The following TNPO3 variants were observed in gnomAD, a reference collection of about 807,000 sequenced individuals.
The protein encoded by TNPO3 is transportin 3, also known as transportin-3.
A neutral mutation model predicts 122.8 loss-of-function variants in TNPO3; 65 were observed. That is an observed-to-expected ratio of 0.53 (90% CI 0.43 to 0.65). The LOEUF (loss-of-function observed/expected upper bound fraction) is 0.65, where lower values mean the gene tolerates loss of function less well. Ranked by LOEUF, TNPO3 falls within the 30% of genes least tolerant of loss-of-function variation. TNPO3 has a pLI of 0.00. For synonymous variants in TNPO3, 372 were observed against 411.2 expected (o/e 0.90, Z 1.15); for missense variants, 850 against 1,136.7 (o/e 0.75, Z 3.63).
At chr7:128,982,139 A>G in intron 14 of TNPO3, 109 bp downstream of exon 14, 6 of 889,184 alleles carry the variant, frequency 6.7e-6, no homozygotes, top group Non-Finnish European at 8.6e-6. Flanking sequence ...GTCTCCAAAC[A>G]TAGGGAGATA....
At chr7:129,049,640 A>G (rs1363698618) in intron 1 of TNPO3, among the ~76,000 whole-genome samples, 1 of 152,234 alleles carries the variant, frequency 6.6e-6, no homozygotes, top group Admixed American at 6.5e-5. Flanking sequence ...CAAAAATCCA[A>G]TAAAAATCAG....
chr7:128,989,404 T>G lies in TNPO3; in HGVS notation c.1498+557A>C, dbSNP rs1449461068. On this transcript the variant is annotated intron_variant, in intron 11 of 22. Coordinates refer to ENST00000265388, the MANE Select transcript of TNPO3 (RefSeq NM_012470.4). ...CTCTTTGGGCCTCAGTTTCCTTGTCTATAAAAAGAGGAGGTTAGAATAAAT... is the reference window on the plus strand; with the variant it reads ...CTCTTTGGGCCTCAGTTTCCTTGTCGATAAAAAGAGGAGGTTAGAATAAAT... Among the ~76,000 whole-genome samples the G allele has an allele frequency of 3.3e-5, 5 of 152,204 alleles. No individual in the cohort carries two copies. In the East Asian group the frequency reaches 9.6e-4, roughly 29 times the overall value.
chr7:129,046,109 T>C (rs1808005262), intron 1 of TNPO3, among the ~76,000 whole-genome samples: 1 of 147,596 alleles, frequency 6.8e-6, no homozygotes, highest in Admixed American at 6.9e-5. Flanking sequence ...TGAGGCAGAA[T>C]TGCTTGAACC....
At chr7:129,054,145 T>C (rs548061076) in intron 1 of TNPO3, among the ~76,000 whole-genome samples, 3 of 152,306 alleles carry the variant, frequency 2.0e-5, no homozygotes, top group African/African-American at 7.2e-5. Context: ...AGTAAGAATC[T>C]AGAAACCTGA....
intron 1 of TNPO3, among the ~76,000 whole-genome samples, chr7:129,046,195 C>CAAAAAAAAAAAAAAAAAAAAAAAAA (rs5887409): frequency 1.3e-5 from 1 of 79,302 alleles, no homozygotes; most frequent in Non-Finnish European, 2.3e-5. Context: ...GACTCCGTCT[C>CAAAAAAAAAAAAAAAAAAAAAAAAA]AAAAAAAAAA....
Position 128,970,267 on chromosome 7 carries a change from T to G in TNPO3, c.2479A>C (p.Asn827His), listed in dbSNP as rs1442252381. The G allele has an allele frequency of 6.2e-7, 1 of 1,613,190 alleles. No individual in the cohort carries two copies. The highest frequency in any genetic ancestry group is 2.2e-5 in the East Asian group (1 of 44,820). ...LRKELIGQVM[N>H]QLGQQLVSQL... ...CTGACAAGCTGCTGTCCAAGCTGGTTCATCACCTGTCCAATCAGTTCTTTC... is the reference window on the plus strand; with the variant it reads ...CTGACAAGCTGCTGTCCAAGCTGGTGCATCACCTGTCCAATCAGTTCTTTC... Residue 827 changes from asparagine (N) to histidine (H), a missense_variant, in exon 20 of 23, where the codon AAC (asparagine) becomes CAC (histidine). Coordinates refer to ENST00000265388, the MANE Select transcript of TNPO3 (RefSeq NM_012470.4).
At chr7:128,983,339 T>G (rs559693011) in intron 13 of TNPO3, among the ~76,000 whole-genome samples, 1 of 152,226 alleles carries the variant, frequency 6.6e-6, no homozygotes, top group East Asian at 1.9e-4. Flanking sequence ...CCCGAGTAGC[T>G]GAGATTACAA....
intron 11 of TNPO3, among the ~76,000 whole-genome samples, chr7:128,987,124 A>G (rs190277782): frequency 2.0e-5 from 3 of 152,328 alleles, no homozygotes; most frequent in Admixed American, 6.5e-5. Context: ...CCTGAGACCC[A>G]TCTATTTCAT....
rs532737413 is a variant in TNPO3 at position 129,054,862 on chromosome 7, C to G, written c.-92G>C. 31 of 1,560,088 alleles carry G rather than the reference C, an allele frequency of 2.0e-5. No homozygotes were observed. The Admixed American group carries it at 2.6e-4, about 13-fold the overall frequency. On this transcript the variant is annotated 5_prime_UTR_variant, in exon 1 of 23. Coordinates refer to ENST00000265388, the MANE Select transcript of TNPO3 (RefSeq NM_012470.4). Reference sequence around the variant, plus strand: ...CCTTCGCGCTTCCTCACTGTCTGGGCCACGGCCGCTCCCTGACTGGCGCCA... The same window carrying G: ...CCTTCGCGCTTCCTCACTGTCTGGGGCACGGCCGCTCCCTGACTGGCGCCA...
chr7:128,993,185 A>C (rs1209682005), intron 9 of TNPO3, among the ~76,000 whole-genome samples: 1 of 149,932 alleles, frequency 6.7e-6, no homozygotes, highest in Non-Finnish European at 1.5e-5. Flanking sequence ...AAGCTTCCAA[A>C]GTGGTATTTC....
rs552411679 is a variant in TNPO3, at chr7:128,954,601, T to C, written c.*816A>G. On this transcript the variant is annotated 3_prime_UTR_variant, in exon 23 of 23. Coordinates refer to ENST00000265388, the MANE Select transcript of TNPO3 (RefSeq NM_012470.4). ...AAGGCAGACAACAAACTGATGTGGATTGGAAGTGGACTGAGAGAATGAACG... is the reference window on the plus strand; with the variant it reads ...AAGGCAGACAACAAACTGATGTGGACTGGAAGTGGACTGAGAGAATGAACG... 10 of 116,650 alleles carry C rather than the reference T, an allele frequency of 8.6e-5. No individual in the cohort carries two copies. Among genetic ancestry groups the C allele is most frequent in the Middle Eastern group, 8.2e-3 (1 of 122 alleles). The allele number at this position is 116,650 out of a possible 1,614,324, so 7.2% of individuals were successfully genotyped here.
intron 1 of TNPO3, among the ~76,000 whole-genome samples, chr7:129,022,877 A>C (rs1458599073): frequency 2.0e-5 from 3 of 152,340 alleles, no homozygotes; most frequent in East Asian, 1.9e-4. Context: ...AAAAAATCAA[A>C]CTGATTAGAG....
chr7:128,975,108 G>T, intron 17 of TNPO3, 146 bp from the exon 18 acceptor site: 1 of 653,484 alleles, frequency 1.5e-6, no homozygotes, highest in Non-Finnish European at 2.6e-6. Context: ...ATGAGAATCT[G>T]ATCAGGAAAA....
intron 1 of TNPO3, among the ~76,000 whole-genome samples, chr7:129,028,000 A>G (rs562099961): frequency 1.3e-5 from 2 of 152,322 alleles, no homozygotes; most frequent in Admixed American, 1.3e-4. Flanking sequence ...TCTGATCACA[A>G]TTAAATAAAA....
At chr7:129,044,003 C>T (rs185601200) in intron 1 of TNPO3, among the ~76,000 whole-genome samples, 12 of 152,306 alleles carry the variant, frequency 7.9e-5, no homozygotes, top group African/African-American at 2.6e-4. Flanking sequence ...ATTGTACATA[C>T]AAAGCATATG....
rs183264244 is a variant in TNPO3 at position 129,031,230 on chromosome 7, C to T, written c.121-13073G>A. On this transcript the variant is annotated intron_variant, in intron 1 of 22. Transcript: ENST00000265388. ...ATGAGAATTGCTTGAACCCGGGAGGCAGAGGTTGCAGTGAGCCGAGATCAT... is the reference window on the plus strand; with the variant it reads ...ATGAGAATTGCTTGAACCCGGGAGGTAGAGGTTGCAGTGAGCCGAGATCAT... Among the ~76,000 whole-genome samples the T allele has an allele frequency of 2.4e-3, 359 of 151,560 alleles. 2 individuals carry two copies. The highest frequency in any genetic ancestry group is 8.5e-3 in the African/African-American group (351 of 41,294).
intron 13 of TNPO3, 130 bp downstream of exon 13, chr7:128,984,038 A>T: frequency 1.9e-6 from 1 of 526,286 alleles, no homozygotes; most frequent in Non-Finnish European, 3.3e-6. Flanking sequence ...CATTAATTTT[A>T]ATAAATTCTT....
intron 15 of TNPO3, among the ~76,000 whole-genome samples, chr7:128,979,721 G>C (rs955708571): frequency 2.6e-5 from 4 of 152,140 alleles, no homozygotes; most frequent in African/African-American, 9.7e-5. Flanking sequence ...AGTAACTCTA[G>C]GAGTCACACA....
intron 1 of TNPO3, among the ~76,000 whole-genome samples, chr7:129,036,490 G>A (rs1006422631): frequency 6.6e-6 from 1 of 152,070 alleles, no homozygotes; most frequent in African/African-American, 2.4e-5. Context: ...CTAGATTAGA[G>A]AAAATAAAAT....
Sources: allele counts gnomAD v4.1 joint callset (sites outside exome capture counted in the v4.1 genomes callset), GRCh38; gene constraint gnomAD v4.1.1; transcripts MANE v1.5; gene names NCBI Gene and HGNC (gene_info 2026-07-23, HGNC 2026-07-21).